The following RANBP3 variants were observed in gnomAD, a reference collection of about 807,000 sequenced individuals.
The protein encoded by RANBP3 is RAN binding protein 3.
RANBP3 carries 14 observed loss-of-function variants against 77.3 expected under a neutral mutation model. The observed-to-expected ratio is 0.18, with a 90% CI of 0.12 to 0.28. RANBP3 has a LOEUF of 0.28. Ranked by LOEUF, RANBP3 falls within the 10% of genes least tolerant of loss-of-function variation. RANBP3 has a pLI of 1.00. For missense variants in RANBP3, 586 were observed against 752.3 expected (o/e 0.78, Z 2.59); for synonymous variants, 315 against 312.4 (o/e 1.01, Z -0.09).
chr19:5,934,856 G>A (rs1568457108), intron 5 of RANBP3, among the ~76,000 whole-genome samples: 1 of 152,090 alleles, frequency 6.6e-6, no homozygotes, highest in Non-Finnish European at 1.5e-5. Context: ...AAACATTGTT[G>A]GAAGAAATTA....
At position 5,924,844 on chromosome 19, in the gene RANBP3, T is replaced by C. The variant is rs1197135350; in HGVS notation, c.979A>G (p.Met327Val). 6.2e-7 allele frequency: 1 copy of C among 1,614,090 alleles called. No homozygotes were observed. Among genetic ancestry groups the C allele is most frequent in the Non-Finnish European group, 8.5e-7 (1 of 1,179,890 alleles). The change falls in exon 11 of 17, where the codon ATG (methionine) becomes GTG (valine). Residue 327 changes from methionine (M) to valine (V), a missense_variant. Physicochemically the swap from Met to Val is conservative, Grantham distance 21 (BLOSUM62 1). Around this residue, in one of 5 missense-constraint regions of RANBP3, gnomAD observed 232 missense variants for 271.7 expected, o/e 0.85. Transcript: ENST00000340578. This position sits in a 1 kb window ranked among gnomAD's most constrained non-coding sequence, Gnocchi z 4.7. Reference sequence around the variant, plus strand: ...CCACTCACCAAAACTCGCTCGCTCATGTTCTGGCCAAATACAAATTTGTTG... The same window carrying C: ...CCACTCACCAAAACTCGCTCGCTCACGTTCTGGCCAAATACAAATTTGTTG... Reference protein sequence around the residue: ...SSNKFVFGQNMSERVLSPPKL... With the variant: ...SSNKFVFGQNVSERVLSPPKL...
chr19:5,922,279 A>G (rs1486624602), intron 13 of RANBP3, among the ~76,000 whole-genome samples: 1 of 152,242 alleles, frequency 6.6e-6, no homozygotes, highest in Non-Finnish European at 1.5e-5. Context: ...AGACACCCCT[A>G]CATGGCTTTC....
intron 12 of RANBP3, among the ~76,000 whole-genome samples, 160 bp from the exon 13 acceptor site, chr19:5,923,463 C>T (rs1469329222): frequency 2.0e-5 from 3 of 152,198 alleles, no homozygotes; most frequent in African/African-American, 7.2e-5. Flanking sequence ...TAGACACAGC[C>T]AGAGCATATG....
chr19:5,977,381 C>T (rs373646609), intron 1 of RANBP3, among the ~76,000 whole-genome samples: 1 of 152,124 alleles, frequency 6.6e-6, no homozygotes, highest in Non-Finnish European at 1.5e-5. Flanking sequence ...CTCGCACGGT[C>T]TCTTGTCTGG....
Position 5,952,923 on chromosome 19 carries a change from G to GTTA in RANBP3, c.79-1328_79-1327insTAA, listed in dbSNP as rs2145191511. Among the ~76,000 whole-genome samples the GTTA allele has an allele frequency of 6.6e-6, 1 of 152,280 alleles. No individual in the cohort carries two copies. The highest frequency in any genetic ancestry group is 1.9e-4 in the East Asian group (1 of 5,168). On this transcript the variant is annotated intron_variant, in intron 2 of 16. Transcript: ENST00000340578. The surrounding 1 kb of genome is among the most constrained non-coding windows in gnomAD (Gnocchi z 4.1). ...CAGCCACCCATGTCTGTTGCTACTT[G>GTTA]ATGGTGAGAGACTTAACACCTCACA... is the stretch of plus-strand genomic sequence containing the variant.
chr19:5,934,194 CTG>C (rs1170846990), intron 5 of RANBP3: 1 of 152,296 alleles, frequency 6.6e-6, no homozygotes, highest in Non-Finnish European at 1.5e-5. Flanking sequence ...ACCCCTTCAT[CTG>C]TGTGTCTTGG....
chr19:5,961,338 G>A (rs975626018), intron 1 of RANBP3, among the ~76,000 whole-genome samples: 1 of 151,652 alleles, frequency 6.6e-6, no homozygotes, highest in African/African-American at 2.4e-5. Context: ...AGCAACTCGG[G>A]AGGCTGAGCT....
At chr19:5,918,400 T>TCCCCC in intron 15 of RANBP3, 96 bp downstream of exon 15, 1 of 122,508 alleles carries the variant, frequency 8.2e-6, no homozygotes, top group Non-Finnish European at 1.6e-5. Flanking sequence ...CCCTCCCCCC[T>TCCCCC]CCCCTCCCCA....
intron 3 of RANBP3, among the ~76,000 whole-genome samples, chr19:5,942,772 C>A (rs1192872028): frequency 1.3e-5 from 2 of 151,422 alleles, no homozygotes; most frequent in Admixed American, 1.3e-4. Context: ...GTAATCCCAG[C>A]ACTTTGGGAA....
Position 5,921,179 on chromosome 19 carries a change from GC to G in RANBP3, c.1330+21del. The G allele has an allele frequency of 6.2e-7, 1 of 1,601,942 alleles. No homozygotes were observed. ...CCCTCCCCATGGGGACCCGGCCACA[GC>G]CCCCGCCGTCGGCAGCTCACCTAGT... On this transcript the variant is annotated intron_variant, in intron 14 of 16. Coordinates refer to ENST00000340578, the MANE Select transcript of RANBP3 (RefSeq NM_007322.3). This position sits in a 1 kb window ranked among gnomAD's most constrained non-coding sequence, Gnocchi z 5.3.
chr19:5,918,694 G>A (rs936007844), intron 14 of RANBP3, 56 bp from the exon 15 acceptor site: 1 of 1,589,446 alleles, frequency 6.3e-7, no homozygotes, highest in Non-Finnish European at 8.6e-7. Context: ...CTCACAAACA[G>A]CCAGCTCCAA....
chr19:5,931,359 A>T (rs776435915), intron 8 of RANBP3, 45 bp downstream of exon 8: 1 of 1,568,284 alleles, frequency 6.4e-7, no homozygotes, highest in African/African-American at 1.4e-5. Context: ...TCCCGCTCCC[A>T]AGGGGCCTAG....
chr19:5,950,152 G>C (rs1476775845), intron 3 of RANBP3, among the ~76,000 whole-genome samples: 1 of 152,154 alleles, frequency 6.6e-6, no homozygotes. Flanking sequence ...GCCAACAAAA[G>C]AAGGACGCAG....
In RANBP3 at chr19:5,921,224, T is replaced by C; in HGVS notation, c.1307A>G (p.Asp436Gly). Residue 436 changes from aspartate to glycine, a missense_variant, in exon 14 of 17, where the codon GAC (aspartate) becomes GGC (glycine). Transcript: ENST00000340578. The surrounding 1 kb of genome is among the most constrained non-coding windows in gnomAD (Gnocchi z 5.3). ...ACCTAGTCGGGACTGTAGTGTGCCG[T>C]CATCGGTGGACGCCATGTCATTGAG... ...LRLNDMASTD[D>G]GTLQSRLVMR... 2 of 1,612,722 alleles carry C rather than the reference T, an allele frequency of 1.2e-6. No individual in the cohort carries two copies. The highest frequency in any genetic ancestry group is 1.7e-6 in the Non-Finnish European group (2 of 1,179,848).
At position 5,932,509 on chromosome 19, in the gene RANBP3, T is replaced by C; in HGVS notation, c.508A>G (p.Ser170Gly). ...PSQKPKEQQR[S>G]VLRPAVLQAP... ...TGTAACACTGCCGGGCGAAGCACGC[T>C]CCGCTGCTGCTCCTTGGGCTTCTGG... Residue 170 changes from serine (S) to glycine (G), a missense_variant, in exon 7 of 17, where the codon AGC becomes GGC. Around this residue, in one of 5 missense-constraint regions of RANBP3, gnomAD observed 232 missense variants for 271.7 expected, o/e 0.85. Transcript: ENST00000340578. The C allele has an allele frequency of 3.7e-6, 6 of 1,613,872 alleles. No individual in the cohort carries two copies. The highest frequency in any genetic ancestry group is 5.1e-6 in the Non-Finnish European group (6 of 1,180,016).
chr19:5,944,445 T>C (rs374910026), intron 3 of RANBP3, among the ~76,000 whole-genome samples: 6 of 152,298 alleles, frequency 3.9e-5, no homozygotes, highest in East Asian at 1.9e-4. Flanking sequence ...GTGACAGAAG[T>C]ACAGAGAAGC....
At chr19:5,926,272 C>T (rs112494452) in intron 9 of RANBP3, among the ~76,000 whole-genome samples, 1 of 152,094 alleles carries the variant, frequency 6.6e-6, no homozygotes, top group African/African-American at 2.4e-5. Context: ...TCTGGCTGGG[C>T]GCGGTGGCTC....
At chr19:5,939,058 G>A (rs767367915) in intron 5 of RANBP3, among the ~76,000 whole-genome samples, 30 of 152,078 alleles carry the variant, frequency 2.0e-4, no homozygotes, top group Non-Finnish European at 4.3e-4. Flanking sequence ...TGTGGTGTGC[G>A]CCTGTAATCC....
intron 5 of RANBP3, among the ~76,000 whole-genome samples, chr19:5,940,221 G>A (rs2058117869): frequency 6.6e-6 from 1 of 152,130 alleles, no homozygotes; most frequent in South Asian, 2.1e-4. Flanking sequence ...GTGGTCCCTC[G>A]CCTCTTTAGC....
Sources: allele counts gnomAD v4.1 joint callset (sites outside exome capture counted in the v4.1 genomes callset), GRCh38; gene constraint gnomAD v4.1.1; regional missense constraint gnomAD v4.1.1; non-coding constraint Gnocchi (gnomAD v3.1); transcripts MANE v1.5; gene names NCBI Gene and HGNC (gene_info 2026-07-23, HGNC 2026-07-21).